Variants in FHIT observed in about 807,000 individuals in gnomAD.
The protein encoded by FHIT is fragile histidine triad diadenosine triphosphatase.
FHIT carries 19 observed loss-of-function variants against 17.9 expected under a neutral mutation model. That is an observed-to-expected ratio of 1.06 (90% CI 0.74 to 1.56). FHIT has a LOEUF of 1.56. Among genes scored for constraint, FHIT ranks in the 40% most tolerant of loss-of-function variants. The pLI is 0.00. For synonymous variants in FHIT, 81 were observed against 69.7 expected (o/e 1.16, Z -0.81); for missense variants, 248 against 189.2 (o/e 1.31, Z -1.82).
intron 5 of FHIT, among the ~76,000 whole-genome samples, chr3:60,307,050 C>G (rs1045033860): frequency 2.0e-5 from 3 of 152,064 alleles, no homozygotes; most frequent in Non-Finnish European, 2.9e-5. Context: ...AACCATGCCC[C>G]CTTTTGACAT....
rs114287574 is a variant in FHIT at position 59,789,620 on chromosome 3, A to G, written c.349-37299T>C. Reference sequence around the variant, plus strand: ...TTGGTAACTCGTTTTGTCTTGTGGAAAACACATGGCTAGCCTGTGACATTG... The same window carrying G: ...TTGGTAACTCGTTTTGTCTTGTGGAGAACACATGGCTAGCCTGTGACATTG... On this transcript the variant is annotated intron_variant, in intron 8 of 9. Coordinates refer to ENST00000492590, the MANE Select transcript of FHIT (RefSeq NM_002012.4). Among the ~76,000 whole-genome samples, 263 of 152,344 alleles carry G rather than the reference A, an allele frequency of 1.7e-3. 1 individual carries two copies. The highest frequency in any genetic ancestry group is 3.3e-3 in the Non-Finnish European group (222 of 68,036).
intron 5 of FHIT, among the ~76,000 whole-genome samples, chr3:60,192,341 G>A (rs533353338): frequency 6.6e-6 from 1 of 151,990 alleles, no homozygotes; most frequent in South Asian, 2.1e-4. Context: ...AAGCCCTAAA[G>A]CAAGGAGACA....
intron 5 of FHIT, among the ~76,000 whole-genome samples, chr3:60,228,990 T>C (rs1461585512): frequency 6.6e-6 from 1 of 152,136 alleles, no homozygotes; most frequent in African/African-American, 2.4e-5. Context: ...TCGAGAAATG[T>C]CAGAATGGAA....
chr3:60,152,795 A>G (rs138885550), intron 5 of FHIT, among the ~76,000 whole-genome samples: 11 of 152,284 alleles, frequency 7.2e-5, no homozygotes, highest in Admixed American at 2.6e-4. Flanking sequence ...CCCTGCCCAT[A>G]TAAGTTATTA....
intron 4 of FHIT, among the ~76,000 whole-genome samples, chr3:60,573,414 C>G (rs1228322147): frequency 6.6e-6 from 1 of 152,166 alleles, no homozygotes; most frequent in Non-Finnish European, 1.5e-5. Context: ...TCTTTCTCCT[C>G]TTGGATCTCC....
At chr3:60,004,792 T>C (rs1699859418) in intron 7 of FHIT, among the ~76,000 whole-genome samples, 1 of 152,160 alleles carries the variant, frequency 6.6e-6, no homozygotes, top group African/African-American at 2.4e-5. Flanking sequence ...AAGTGTAAAA[T>C]ATTAATGCCT....
At chr3:59,783,607 C>G (rs868661331) in intron 8 of FHIT, among the ~76,000 whole-genome samples, 1 of 152,204 alleles carries the variant, frequency 6.6e-6, no homozygotes, top group Middle Eastern at 3.2e-3. Context: ...CAACCTCAGT[C>G]TCTATTGAGG....
At chr3:60,157,247 T>C (rs776796062) in intron 5 of FHIT, among the ~76,000 whole-genome samples, 5 of 152,134 alleles carry the variant, frequency 3.3e-5, no homozygotes, top group Non-Finnish European at 7.4e-5. Flanking sequence ...AAGACCACAG[T>C]GAATGATCGG....
intron 8 of FHIT, among the ~76,000 whole-genome samples, chr3:59,768,007 T>C (rs1442224623): frequency 6.6e-6 from 1 of 152,194 alleles, no homozygotes; most frequent in African/African-American, 2.4e-5. Flanking sequence ...CCCCATTTTA[T>C]AGAGAAGGGA....
rs1489233187 is a variant in FHIT at position 59,748,999 on chromosome 3, T to C, written c.*586A>G. On this transcript the variant is annotated 3_prime_UTR_variant, in exon 10 of 10. Transcript: ENST00000492590. ...TGAATGTCTTTAAACTTGCTCTGCC[T>C]AAGACTAGCTTGCTGCTGAGGGAAT... 6.6e-6 allele frequency among the ~76,000 whole-genome samples: 1 copy of C among 152,202 alleles called. No individual in the cohort carries two copies. The highest frequency in any genetic ancestry group is 1.5e-5 in the Non-Finnish European group (1 of 68,026).
At chr3:59,915,625 C>T (rs1162425548) in intron 8 of FHIT, among the ~76,000 whole-genome samples, 1 of 152,226 alleles carries the variant, frequency 6.6e-6, no homozygotes, top group African/African-American at 2.4e-5. Flanking sequence ...CTCCATGCTT[C>T]TCAACATTCC....
chr3:60,787,936 C>G (rs1700640907), intron 4 of FHIT, among the ~76,000 whole-genome samples: 1 of 152,130 alleles, frequency 6.6e-6, no homozygotes, highest in South Asian at 2.1e-4. Context: ...GAAGTGCTGT[C>G]TCTTGTTCCT....
At chr3:59,798,013 T>G (rs1430501232) in intron 8 of FHIT, among the ~76,000 whole-genome samples, 1 of 152,142 alleles carries the variant, frequency 6.6e-6, no homozygotes, top group East Asian at 1.9e-4. Context: ...GGAGCACTGC[T>G]TAGGGTCCCA....
In FHIT at chr3:60,112,114, T is replaced by A. The variant is rs77293322; in HGVS notation, c.104-97962A>T. ...CTCATGAAAGCATCAATGTGTCAGT[T>A]GGGTTCAAGTACAAGAATCAGAACC... On this transcript the variant is annotated intron_variant, in intron 5 of 9. Transcript: ENST00000492590. Among the ~76,000 whole-genome samples, 877 of 152,344 alleles carry A rather than the reference T, an allele frequency of 5.8e-3. 5 individuals are homozygous for A. Among genetic ancestry groups the A allele is most frequent in the African/African-American group, 0.02 (821 of 41,570 alleles).
At chr3:61,097,522 G>C (rs149737071) in intron 2 of FHIT, among the ~76,000 whole-genome samples, 1 of 152,080 alleles carries the variant, frequency 6.6e-6, no homozygotes, top group African/African-American at 2.4e-5. Flanking sequence ...TTAAGGAATC[G>C]TCACACTGTC....
chr3:60,011,696 A>C (rs527807945), intron 6 of FHIT, among the ~76,000 whole-genome samples: 3 of 152,290 alleles, frequency 2.0e-5, no homozygotes, highest in African/African-American at 4.8e-5. Flanking sequence ...GGAAGGCTGA[A>C]AATGTTTGGG....
intron 7 of FHIT, among the ~76,000 whole-genome samples, chr3:59,979,192 G>C (rs3821480): frequency 0.61 from 92,869 of 151,954 alleles, 29,418 homozygotes; most frequent in Middle Eastern, 0.72. Context: ...TTTCAAATCA[G>C]CTCTCAGAAG....
At chr3:60,981,563 G>A (rs563949474) in intron 3 of FHIT, among the ~76,000 whole-genome samples, 8 of 152,046 alleles carry the variant, frequency 5.3e-5, no homozygotes, top group East Asian at 1.9e-4. Flanking sequence ...CACCCGCCTC[G>A]GCCTCCCAAA....
intron 4 of FHIT, among the ~76,000 whole-genome samples, chr3:60,696,226 T>C (rs1202631085): frequency 1.3e-5 from 2 of 152,198 alleles, no homozygotes; most frequent in Admixed American, 6.5e-5. Context: ...AATGTTTTTA[T>C]ACACATTCCC....
Sources: allele counts gnomAD v4.1 joint callset (sites outside exome capture counted in the v4.1 genomes callset), GRCh38; gene constraint gnomAD v4.1.1; transcripts MANE v1.5; gene names NCBI Gene and HGNC (gene_info 2026-07-23, HGNC 2026-07-21).